The following CMTM8 variants were observed in gnomAD, a reference collection of about 807,000 sequenced individuals.
The protein encoded by CMTM8 is CKLF-like MARVEL transmembrane domain-containing protein 8.
A neutral mutation model predicts 18.6 loss-of-function variants in CMTM8; 12 were observed. That is an observed-to-expected ratio of 0.65 (90% CI 0.41 to 1.05). CMTM8 has a LOEUF of 1.05. Among genes scored for constraint, CMTM8 ranks in the 50% least tolerant of loss-of-function variants. CMTM8 has a pLI of 0.00. For missense variants in CMTM8, 217 were observed against 227.2 expected (o/e 0.95, Z 0.29); for synonymous variants, 87 against 90.6 (o/e 0.96, Z 0.23).
intron 2 of CMTM8, among the ~76,000 whole-genome samples, chr3:32,361,286 G>GTTTTTTTTTTGTTTTTTTGTTTTTTTTTT (rs58364646): frequency 1.1e-5 from 1 of 87,230 alleles, no homozygotes; most frequent in Non-Finnish European, 2.4e-5. Flanking sequence ...CAGCCTAAGA[G>GTTTTTTTTTTGTTTTTTTGTTTTTTTTTT]TTTTTTTTTC....
At chr3:32,316,818 C>T (rs1286352473) in intron 1 of CMTM8, among the ~76,000 whole-genome samples, 1 of 152,196 alleles carries the variant, frequency 6.6e-6, no homozygotes, top group South Asian at 2.1e-4. Flanking sequence ...CCAGTTATTA[C>T]ATGGCAGGAT....
chr3:32,283,041 A>G (rs1254233394), intron 1 of CMTM8, among the ~76,000 whole-genome samples: 1 of 152,160 alleles, frequency 6.6e-6, no homozygotes, highest in Non-Finnish European at 1.5e-5. Context: ...CCACTAGAAC[A>G]TGAGTTATGT....
intron 1 of CMTM8, among the ~76,000 whole-genome samples, chr3:32,318,691 C>G (rs1453548826): frequency 1.3e-5 from 2 of 151,502 alleles, no homozygotes; most frequent in Non-Finnish European, 2.9e-5. Context: ...CTCAGCCTCC[C>G]GAGTACCTGG....
chr3:32,281,173 A>G (rs554366501), intron 1 of CMTM8, among the ~76,000 whole-genome samples: 1 of 152,362 alleles, frequency 6.6e-6, no homozygotes, highest in East Asian at 1.9e-4. Context: ...GATTTTGTGT[A>G]GGAGCACATG....
chr3:32,369,403 G>A (rs563370479), intron 3 of CMTM8, among the ~76,000 whole-genome samples: 42 of 152,280 alleles, frequency 2.8e-4, no homozygotes, highest in African/African-American at 9.9e-4. Context: ...TTAACACGTA[G>A]CAAGAATGGA....
intron 1 of CMTM8, among the ~76,000 whole-genome samples, chr3:32,267,541 G>A (rs1039185605): frequency 2.0e-5 from 3 of 152,150 alleles, no homozygotes; most frequent in Non-Finnish European, 4.4e-5. Context: ...ATAGGCATGG[G>A]CAAGGACTTC....
chr3:32,280,107 A>T (rs11708149), intron 1 of CMTM8, among the ~76,000 whole-genome samples: 68,366 of 151,874 alleles, frequency 0.45, 15,596 homozygotes, highest in South Asian at 0.55. Context: ...AGTGGCCACC[A>T]ATCAGGAGGA....
At chr3:32,308,570 A>G (rs1441018972) in intron 1 of CMTM8, among the ~76,000 whole-genome samples, 3 of 152,160 alleles carry the variant, frequency 2.0e-5, no homozygotes, top group Non-Finnish European at 4.4e-5. Flanking sequence ...TGAGTTCAGC[A>G]TGACTTCACC....
intron 1 of CMTM8, among the ~76,000 whole-genome samples, chr3:32,274,500 G>A (rs1243784812): frequency 6.6e-6 from 1 of 152,092 alleles, no homozygotes; most frequent in Non-Finnish European, 1.5e-5. Flanking sequence ...TAAATATCCT[G>A]CTTCATCCTT....
chr3:32,312,498 G>A (rs548655145), intron 1 of CMTM8, among the ~76,000 whole-genome samples: 5 of 152,258 alleles, frequency 3.3e-5, no homozygotes, highest in Admixed American at 6.5e-5. Context: ...CCAGGGCAAG[G>A]CATGTGGGCA....
intron 1 of CMTM8, among the ~76,000 whole-genome samples, chr3:32,331,274 C>T (rs1696268678): frequency 6.6e-6 from 1 of 152,160 alleles, no homozygotes; most frequent in African/African-American, 2.4e-5. Context: ...GCTATTACCT[C>T]ACACCTGTTA....
At chr3:32,315,360 C>CGAGGA (rs1695905673) in intron 1 of CMTM8, among the ~76,000 whole-genome samples, 1 of 152,098 alleles carries the variant, frequency 6.6e-6, no homozygotes, top group Non-Finnish European at 1.5e-5. Flanking sequence ...GAACTCCTCA[C>CGAGGA]CTCAAGTGAT....
In CMTM8 at chr3:32,278,671, T is replaced by C. The variant is rs9310987; in HGVS notation, c.147+39552T>C. On this transcript the variant is annotated intron_variant, in intron 1 of 3. Transcript: ENST00000307526. ...GCAGCCCCATGCTTCCCTTCCCAAA[T>C]TGAGTTATCTCTGTTAACCATCCTA... Among the ~76,000 whole-genome samples the C allele has an allele frequency of 5.7e-3, 864 of 152,288 alleles. 7 individuals are homozygous for C. Among genetic ancestry groups the C allele is most frequent in the African/African-American group, 0.02 (839 of 41,548 alleles).
chr3:32,314,467 A>T (rs1049239978), intron 1 of CMTM8, among the ~76,000 whole-genome samples: 2 of 137,320 alleles, frequency 1.5e-5, no homozygotes, highest in African/African-American at 5.6e-5. Flanking sequence ...GGGTAGGCAG[A>T]GTAAGCCAGA....
chr3:32,286,009 G>A (rs1334971474), intron 1 of CMTM8, among the ~76,000 whole-genome samples: 2 of 152,184 alleles, frequency 1.3e-5, no homozygotes, highest in African/African-American at 2.4e-5. Context: ...CTGTCAGGAC[G>A]ATGGGAGAAT....
intron 1 of CMTM8, among the ~76,000 whole-genome samples, chr3:32,270,735 G>A (rs551548764): frequency 2.6e-5 from 4 of 152,206 alleles, no homozygotes; most frequent in South Asian, 2.1e-4. Context: ...TGGGGGGAGC[G>A]GGGAGGGATA....
chr3:32,278,610 C>T (rs1320204507), intron 1 of CMTM8, among the ~76,000 whole-genome samples: 1 of 152,192 alleles, frequency 6.6e-6, no homozygotes, highest in Non-Finnish European at 1.5e-5. Flanking sequence ...TACCTGGCCT[C>T]CCTTTCAGGC....
At chr3:32,241,318 T>A (rs915338722) in intron 1 of CMTM8, among the ~76,000 whole-genome samples, 2 of 152,214 alleles carry the variant, frequency 1.3e-5, no homozygotes, top group African/African-American at 4.8e-5. Context: ...TGTCTCCCAA[T>A]ATAGGTCCAA....
chr3:32,240,977 G>A (rs1701939530), intron 1 of CMTM8, among the ~76,000 whole-genome samples: 1 of 152,122 alleles, frequency 6.6e-6, no homozygotes, highest in Non-Finnish European at 1.5e-5. Flanking sequence ...TTCTAGGGAC[G>A]GGGTCTCTCT....
Sources: allele counts gnomAD v4.1 joint callset (sites outside exome capture counted in the v4.1 genomes callset), GRCh38; gene constraint gnomAD v4.1.1; transcripts MANE v1.5; gene names NCBI Gene and HGNC (gene_info 2026-07-23, HGNC 2026-07-21).